Variants in ASF1A observed in about 807,000 individuals in gnomAD.
ASF1A encodes the protein histone chaperone ASF1A.
Under a neutral mutation model 22.0 loss-of-function variants are expected in ASF1A, and 5 were observed. That is an observed-to-expected ratio of 0.23 (90% CI 0.12 to 0.48). The LOEUF is 0.48. ASF1A is among the 20% of genes least tolerant of loss of function. ASF1A has a pLI of 0.99. For missense variants in ASF1A, 137 were observed against 240.6 expected, an observed-to-expected ratio of 0.57 and a Z score of 2.85; for synonymous variants, 97 against 86.7, an observed-to-expected ratio of 1.12 and a Z score of -0.66.
chr6:118,906,195 C>T (rs1445365710), intron 3 of ASF1A, among the ~76,000 whole-genome samples: 1 of 152,166 alleles, frequency 6.6e-6, no homozygotes, highest in East Asian at 1.9e-4. Context: ...GTCTCAGCCT[C>T]CCAAGTAGCT....
At position 118,907,659 on chromosome 6, in the gene ASF1A, CAG is replaced by C; in HGVS notation, c.*47_*48del. ...TACAAATTAAGCTATTAAAAATACACAGAACTATTTCCCTGAAATTCCGTAAG... is the reference window on the plus strand; with the variant it reads ...TACAAATTAAGCTATTAAAAATACACAACTATTTCCCTGAAATTCCGTAAG... On this transcript the variant is annotated 3_prime_UTR_variant, in exon 4 of 4. Transcript: ENST00000229595. 1.4e-6 allele frequency: 2 copies of C among 1,466,776 alleles called. No homozygotes were observed. Among genetic ancestry groups the C allele is most frequent in the Non-Finnish European group, 1.9e-6 (2 of 1,050,758 alleles). 90.9% of individuals were successfully genotyped at this position (1,466,776 alleles called of 1,614,324 possible).
Position 118,903,925 on chromosome 6 carries a change from G to A in ASF1A, c.226-1727G>A, listed in dbSNP as rs1322517068. 2.0e-5 allele frequency among the ~76,000 whole-genome samples: 3 copies of A among 152,156 alleles called. No homozygotes were observed. The East Asian group carries it at 5.8e-4, about 29-fold the overall frequency. The stretch of plus-strand genomic sequence containing the variant: ...TCACCACGTTTTAAAGAACCTGTGT[G>A]ATTCATATCTCTAGAACAATGGTGG... On this transcript the variant is annotated intron_variant, in intron 2 of 3. Transcript: ENST00000229595.
intron 1 of ASF1A, 83 bp downstream of exon 1, chr6:118,894,605 C>G: frequency 8.6e-7 from 1 of 1,169,166 alleles, no homozygotes; most frequent in Non-Finnish European, 1.2e-6. Context: ...TCGCGCTGGG[C>G]GGCTGTGTTC....
intron 1 of ASF1A, among the ~76,000 whole-genome samples, chr6:118,897,488 T>TA (rs1488050716): frequency 6.6e-6 from 1 of 152,072 alleles, no homozygotes; most frequent in Middle Eastern, 3.2e-3. Flanking sequence ...ATTGAATACT[T>TA]ATAATATACC....
chr6:118,896,814 G>A (rs963264356), intron 1 of ASF1A, among the ~76,000 whole-genome samples: 1 of 147,136 alleles, frequency 6.8e-6, no homozygotes, highest in Admixed American at 7.0e-5. Flanking sequence ...TAAAAATTCT[G>A]TTCTTAAAAT....
At chr6:118,895,970 A>T (rs1779374173) in intron 1 of ASF1A, among the ~76,000 whole-genome samples, 1 of 151,944 alleles carries the variant, frequency 6.6e-6, no homozygotes, top group Admixed American at 6.6e-5. Flanking sequence ...TAAAGTTAAC[A>T]GTTCTCTGTA....
intron 1 of ASF1A, among the ~76,000 whole-genome samples, chr6:118,896,066 A>G (rs933031217): frequency 2.7e-5 from 4 of 149,174 alleles, no homozygotes; most frequent in Non-Finnish European, 4.4e-5. Flanking sequence ...TTAAACCTAT[A>G]TAGAGCATAA....
intron 3 of ASF1A, among the ~76,000 whole-genome samples, chr6:118,906,816 A>G (rs1780209687): frequency 6.6e-6 from 1 of 152,222 alleles, no homozygotes; most frequent in South Asian, 2.1e-4. Flanking sequence ...AAGAAAAATT[A>G]CATGACAATA....
chr6:118,906,364 C>T (rs953669621), intron 3 of ASF1A, among the ~76,000 whole-genome samples: 2 of 152,156 alleles, frequency 1.3e-5, no homozygotes, highest in African/African-American at 4.8e-5. Context: ...TGAGCCACCA[C>T]GCCCAGAGAA....
Position 118,894,279 on chromosome 6 carries a change from A to T in ASF1A, c.-135A>T. ...CCCGTGTAAATAAAAAGAGGAAAAA[A>T]GTTTCTCAAGTCGCCGCTGCACGAC... On this transcript the variant is annotated 5_prime_UTR_variant, in exon 1 of 4. It adds an upstream start codon to the 5' untranslated region. Transcript: ENST00000229595. The T allele has an allele frequency of 6.8e-7, 1 of 1,464,462 alleles. No individual in the cohort carries two copies. The highest frequency in any genetic ancestry group is 9.0e-7 in the Non-Finnish European group (1 of 1,114,726). The allele number at this position is 1,464,462 out of a possible 1,614,324, so 90.7% of individuals were successfully genotyped here.
chr6:118,902,528 C>CT (rs33980013), intron 2 of ASF1A, among the ~76,000 whole-genome samples: 99,958 of 131,440 alleles, frequency 0.76, 38,303 homozygotes, highest in East Asian at 0.91. Flanking sequence ...ACTGATAATA[C>CT]TTTTTTTTTT....
At chr6:118,898,216 T>C (rs1021778372) in intron 1 of ASF1A, among the ~76,000 whole-genome samples, 6 of 152,154 alleles carry the variant, frequency 3.9e-5, no homozygotes, top group African/African-American at 1.4e-4. Flanking sequence ...TTGATCTACA[T>C]GATGAAGCTG....
At chr6:118,905,213 T>TG (rs1242802839) in intron 2 of ASF1A, among the ~76,000 whole-genome samples, 2 of 152,184 alleles carry the variant, frequency 1.3e-5, no homozygotes, top group Non-Finnish European at 2.9e-5. Flanking sequence ...ATAAGTATCC[T>TG]GGGTTGAAGA....
At chr6:118,897,435 CTTAAAT>C (rs1360441175) in intron 1 of ASF1A, among the ~76,000 whole-genome samples, 1 of 151,314 alleles carries the variant, frequency 6.6e-6, no homozygotes, top group Non-Finnish European at 1.5e-5. Context: ...TCCTGCCATT[CTTAAAT>C]TTATATATAT....
intron 2 of ASF1A, among the ~76,000 whole-genome samples, chr6:118,901,412 G>A (rs1385921186): frequency 6.6e-6 from 1 of 152,080 alleles, no homozygotes; most frequent in Non-Finnish European, 1.5e-5. Flanking sequence ...TTGGGTCATT[G>A]GAATGACATT....
intron 1 of ASF1A, among the ~76,000 whole-genome samples, chr6:118,895,965 T>G (rs1460719789): frequency 6.6e-6 from 1 of 152,012 alleles, no homozygotes; most frequent in Non-Finnish European, 1.5e-5. Context: ...ATATATAAAG[T>G]TAACAGTTCT....
Position 118,907,659 on chromosome 6 carries a change from C to G in ASF1A, c.*45C>G. The G allele has an allele frequency of 6.8e-7, 1 of 1,466,776 alleles. No individual in the cohort carries two copies. The highest frequency in any genetic ancestry group is 9.5e-7 in the Non-Finnish European group (1 of 1,050,758). 90.9% of individuals were successfully genotyped at this position (1,466,776 alleles called of 1,614,324 possible). A position where few individuals can be genotyped will look rare whatever the true frequency, so the allele number is the denominator to read the frequency against. On this transcript the variant is annotated 3_prime_UTR_variant, in exon 4 of 4. Coordinates refer to ENST00000229595, the MANE Select transcript of ASF1A (RefSeq NM_014034.3). The stretch of plus-strand genomic sequence containing the variant: ...TACAAATTAAGCTATTAAAAATACA[C>G]AGAACTATTTCCCTGAAATTCCGTA...
At position 118,894,342 on chromosome 6, in the gene ASF1A, G is replaced by T; in HGVS notation, c.-72G>T. ...CTGGAGCGGGGGTCTGCGCTCTCCC[G>T]AGCGGCCGCGCGCTGGACTTTATTG... On this transcript the variant is annotated 5_prime_UTR_variant, in exon 1 of 4. Coordinates refer to ENST00000229595, the MANE Select transcript of ASF1A (RefSeq NM_014034.3). 1.3e-6 allele frequency: 2 copies of T among 1,530,996 alleles called. No individual in the cohort carries two copies. Among genetic ancestry groups the T allele is most frequent in the African/African-American group, 1.4e-5 (1 of 72,984 alleles). 94.8% of individuals were successfully genotyped at this position (1,530,996 alleles called of 1,614,324 possible).
Position 118,908,828 on chromosome 6 carries a change from G to C in ASF1A, c.*1214G>C, listed in dbSNP as rs964350248. 1 of 152,438 alleles carries C rather than the reference G, an allele frequency of 6.6e-6. No individual in the cohort carries two copies. The highest frequency in any genetic ancestry group is 1.5e-5 in the Non-Finnish European group (1 of 68,014). The allele number at this position is 152,438 out of a possible 1,614,324, so 9.4% of individuals were successfully genotyped here. ...CTAAGCAAGACAGCCATATGATGCA[G>C]GTTATGCAGTGCCTTCATATCTAAA... On this transcript the variant is annotated 3_prime_UTR_variant, in exon 4 of 4. Transcript: ENST00000229595.
Sources: gnomAD v4.1 joint callset for allele counts (sites outside exome capture counted in the v4.1 genomes callset) on GRCh38, gnomAD v4.1.1 for gene constraint, MANE v1.5 for transcripts, NCBI Gene and HGNC (gene_info 2026-07-23, HGNC 2026-07-21) for gene names.